The following PDSS2 variants were observed in gnomAD, a reference collection of about 807,000 sequenced individuals.
The protein encoded by PDSS2 is all trans-polyprenyl-diphosphate synthase PDSS2.
A neutral mutation model predicts 44.5 loss-of-function variants in PDSS2; 31 were observed. That is an observed-to-expected ratio of 0.70 (90% confidence interval 0.52 to 0.94). PDSS2 has a LOEUF of 0.94. PDSS2 is among the 40% of genes least tolerant of loss of function. PDSS2 has a pLI of 0.00. For missense variants in PDSS2, 452 were observed against 482.2 expected (o/e 0.94, Z 0.59); for synonymous variants, 157 against 180.3 (o/e 0.87, Z 1.03).
At chr6:107,415,661 T>C (rs1412465376) in intron 1 of PDSS2, among the ~76,000 whole-genome samples, 1 of 152,128 alleles carries the variant, frequency 6.6e-6, no homozygotes, top group Non-Finnish European at 1.5e-5. Context: ...TTCTACAGTT[T>C]TGTATCCCTA....
intron 2 of PDSS2, among the ~76,000 whole-genome samples, chr6:107,303,905 C>A (rs111722519): frequency 2.0e-5 from 3 of 152,150 alleles, no homozygotes; most frequent in Non-Finnish European, 4.4e-5. Flanking sequence ...AGTTATTTTA[C>A]TTTCAAAGCA....
chr6:107,371,492 G>T (rs1317770930), intron 1 of PDSS2, among the ~76,000 whole-genome samples: 1 of 152,126 alleles, frequency 6.6e-6, no homozygotes, highest in Non-Finnish European at 1.5e-5. Flanking sequence ...ACATTCTCCT[G>T]TTTTCATTTA....
chr6:107,256,179 C>A (rs1177346478), intron 3 of PDSS2, among the ~76,000 whole-genome samples: 4 of 152,000 alleles, frequency 2.6e-5, no homozygotes, highest in African/African-American at 9.7e-5. Context: ...TTAGTAGAGA[C>A]AGGTTTTCAC....
intron 6 of PDSS2, among the ~76,000 whole-genome samples, chr6:107,204,525 C>T (rs1271476940): frequency 6.6e-6 from 1 of 152,136 alleles, no homozygotes; most frequent in East Asian, 1.9e-4. Flanking sequence ...TTTCACATTC[C>T]ACCCAAATTA....
chr6:107,269,858 G>A (rs1000772208), intron 3 of PDSS2, among the ~76,000 whole-genome samples: 7 of 151,974 alleles, frequency 4.6e-5, no homozygotes. Context: ...GTAGAGACGG[G>A]GTTTCACTAT....
intron 1 of PDSS2, among the ~76,000 whole-genome samples, chr6:107,409,965 A>G (rs1179954389): frequency 6.6e-6 from 1 of 152,204 alleles, no homozygotes; most frequent in Non-Finnish European, 1.5e-5. Flanking sequence ...TCAAAGGATA[A>G]GCAAGTTTTA....
chr6:107,291,369 A>G (rs1354599154), intron 2 of PDSS2, among the ~76,000 whole-genome samples: 1 of 147,886 alleles, frequency 6.8e-6, no homozygotes, highest in Non-Finnish European at 1.5e-5. Flanking sequence ...TTTTTTTGAG[A>G]CAGGGTCTCA....
chr6:107,194,679 C>T (rs754431229), intron 6 of PDSS2, among the ~76,000 whole-genome samples: 22 of 152,132 alleles, frequency 1.4e-4, no homozygotes, highest in Non-Finnish European at 2.2e-4. Context: ...CAGCTGGGTG[C>T]GGTGGCTCAC....
At chr6:107,290,789 C>G (rs1180317476) in intron 2 of PDSS2, among the ~76,000 whole-genome samples, 1 of 152,168 alleles carries the variant, frequency 6.6e-6, no homozygotes, top group Non-Finnish European at 1.5e-5. Context: ...CCCTGTCATC[C>G]TCATCAGCAT....
Position 107,189,206 on chromosome 6 carries a change from T to A in PDSS2, c.1041+4616A>T, listed in dbSNP as rs145965160. Among the ~76,000 whole-genome samples the A allele has an allele frequency of 7.8e-4, 118 of 152,204 alleles. 2 individuals are homozygous for A. Among genetic ancestry groups the A allele is most frequent in the African/African-American group, 2.7e-3 (111 of 41,542 alleles). On this transcript the variant is annotated intron_variant, in intron 7 of 7. Coordinates refer to ENST00000369037, the MANE Select transcript of PDSS2 (RefSeq NM_020381.4). ...GGGAGTATGAGTGTGCACCAACATA[T>A]CTGGCTAATTTTTGTATTTTTTTTA...
chr6:107,237,638 C>A (rs1368311878), intron 4 of PDSS2, among the ~76,000 whole-genome samples: 1 of 150,988 alleles, frequency 6.6e-6, no homozygotes, highest in Non-Finnish European at 1.5e-5. Flanking sequence ...CAGTGGCTTA[C>A]ACTTGTAATC....
chr6:107,350,257 A>C (rs1778389470), intron 1 of PDSS2, among the ~76,000 whole-genome samples: 1 of 152,176 alleles, frequency 6.6e-6, no homozygotes, highest in African/African-American at 2.4e-5. Context: ...TATAATTAGT[A>C]ATGTTTTGTG....
intron 2 of PDSS2, among the ~76,000 whole-genome samples, chr6:107,320,155 C>T (rs1001052648): frequency 6.6e-6 from 1 of 152,088 alleles, no homozygotes; most frequent in South Asian, 2.1e-4. Context: ...TGCCAGCTTT[C>T]TACTATATTG....
intron 3 of PDSS2, among the ~76,000 whole-genome samples, chr6:107,264,721 G>A (rs79349391): frequency 0.018 from 2,691 of 152,190 alleles, 75 homozygotes; most frequent in African/African-American, 0.059. Context: ...GCTAGATTTC[G>A]AAATTATAGT....
intron 2 of PDSS2, among the ~76,000 whole-genome samples, chr6:107,284,491 T>C (rs897132874): frequency 6.6e-6 from 1 of 151,830 alleles, no homozygotes; most frequent in Non-Finnish European, 1.5e-5. Flanking sequence ...TGAAACCCCG[T>C]CTCTACTAAA....
chr6:107,443,994 C>G (rs1408231843), intron 1 of PDSS2, among the ~76,000 whole-genome samples: 1 of 152,250 alleles, frequency 6.6e-6, no homozygotes, highest in East Asian at 1.9e-4. Flanking sequence ...CATATTAAAT[C>G]ATTCAATCTT....
chr6:107,371,707 T>G (rs1311132827), intron 1 of PDSS2, among the ~76,000 whole-genome samples: 1 of 152,198 alleles, frequency 6.6e-6, no homozygotes, highest in African/African-American at 2.4e-5. Flanking sequence ...AAGAAAAACC[T>G]AGCTGGGTCT....
intron 1 of PDSS2, among the ~76,000 whole-genome samples, chr6:107,338,730 C>T (rs777915173): frequency 1.3e-5 from 2 of 151,700 alleles, no homozygotes; most frequent in Non-Finnish European, 2.9e-5. Context: ...TGTGGAGGTC[C>T]GAAGGAAAGA....
At chr6:107,251,131 G>A (rs1278157491) in intron 3 of PDSS2, among the ~76,000 whole-genome samples, 5 of 152,134 alleles carry the variant, frequency 3.3e-5, no homozygotes, top group African/African-American at 4.8e-5. Flanking sequence ...TGGGATTACA[G>A]GCGTGAGCCA....
Sources: gnomAD v4.1 joint callset for allele counts (sites outside exome capture counted in the v4.1 genomes callset) on GRCh38, gnomAD v4.1.1 for gene constraint, MANE v1.5 for transcripts, NCBI Gene and HGNC (gene_info 2026-07-23, HGNC 2026-07-21) for gene names.